Variants in CMKLR1 observed in about 807,000 individuals in gnomAD.
CMKLR1 encodes the protein chemerin-like receptor 1.
A neutral mutation model predicts 8.2 loss-of-function variants in CMKLR1; 6 were observed. The ratio of observed to expected loss-of-function variants is 0.73; its 90% CI spans 0.40 to 1.44. The LOEUF is 1.44. CMKLR1 is among the 40% of genes most tolerant of loss of function. CMKLR1 has a pLI of 0.02. For synonymous variants in CMKLR1, 178 were observed against 181.2 expected, an observed-to-expected ratio of 0.98 and a Z score of 0.14; for missense variants, 429 against 478.0, an observed-to-expected ratio of 0.90 and a Z score of 0.96.
At chr12:108,310,782 T>A (rs557774198) in intron 2 of CMKLR1, among the ~76,000 whole-genome samples, 1 of 152,212 alleles carries the variant, frequency 6.6e-6, no homozygotes, top group East Asian at 1.9e-4. Flanking sequence ...ATGGTTGCCA[T>A]GGTAACACCG....
chr12:108,305,541 C>G (rs1891385468), intron 2 of CMKLR1, among the ~76,000 whole-genome samples: 1 of 152,206 alleles, frequency 6.6e-6, no homozygotes, highest in Admixed American at 6.5e-5. Flanking sequence ...ACCAGATCTC[C>G]TACCCTCCAG....
chr12:108,294,219 A>G (rs949124003), intron 2 of CMKLR1, among the ~76,000 whole-genome samples: 1 of 152,252 alleles, frequency 6.6e-6, no homozygotes, highest in Non-Finnish European at 1.5e-5. Context: ...AGAAAGAAGC[A>G]TCATTCTTGC....
chr12:108,289,391 G>A lies in CMKLR1; in HGVS notation c.*2450C>T, dbSNP rs970570980. 12 of 152,326 alleles carry A rather than the reference G, an allele frequency of 7.9e-5. No homozygotes were observed. In the East Asian group the frequency reaches 2.1e-3, roughly 27 times the overall value. 9.4% of individuals were successfully genotyped at this position (152,326 alleles called of 1,614,324 possible). Reference sequence around the variant, plus strand: ...TATGGGATGTTAAGGCTGCATTTAAGTACTTGACAGGAACCTAAGTCAGAA... The same window carrying A: ...TATGGGATGTTAAGGCTGCATTTAAATACTTGACAGGAACCTAAGTCAGAA... On this transcript the variant is annotated 3_prime_UTR_variant, in exon 4 of 4. Transcript: ENST00000550402.
chr12:108,304,590 A>C (rs1314189357), intron 2 of CMKLR1, among the ~76,000 whole-genome samples: 4 of 150,664 alleles, frequency 2.7e-5, no homozygotes, highest in Non-Finnish European at 5.9e-5. Flanking sequence ...TCTCTCCCCC[A>C]GTCTCTGTGT....
intron 1 of CMKLR1, among the ~76,000 whole-genome samples, chr12:108,334,899 C>T (rs908607257): frequency 6.6e-6 from 1 of 152,152 alleles, no homozygotes; most frequent in African/African-American, 2.4e-5. Flanking sequence ...TAACCCGCAG[C>T]ATGTTCTATC....
intron 2 of CMKLR1, among the ~76,000 whole-genome samples, chr12:108,316,397 G>C (rs567001533): frequency 6.6e-6 from 1 of 152,320 alleles, no homozygotes; most frequent in African/African-American, 2.4e-5. Context: ...CAGAAAGAGA[G>C]GGGGAAGAGG....
At chr12:108,317,765 T>A (rs4964675) in intron 2 of CMKLR1, 118,402 of 152,202 alleles carry the variant, frequency 0.78, 46,552 homozygotes, top group East Asian at 1. Context: ...TCACAACTCC[T>A]TCTAACTGGT....
chr12:108,298,339 C>T (rs563427500), intron 2 of CMKLR1, among the ~76,000 whole-genome samples: 1 of 152,280 alleles, frequency 6.6e-6, no homozygotes, highest in Admixed American at 6.5e-5. Context: ...TCTCCAACAA[C>T]CTCCAGGAGT....
intron 2 of CMKLR1, among the ~76,000 whole-genome samples, chr12:108,304,411 C>T (rs192533841): frequency 6.6e-6 from 1 of 152,280 alleles, no homozygotes; most frequent in African/African-American, 2.4e-5. Context: ...CAGATATTTA[C>T]CTTCTGCTTC....
At chr12:108,305,159 G>A (rs1391613215) in intron 2 of CMKLR1, among the ~76,000 whole-genome samples, 1 of 152,214 alleles carries the variant, frequency 6.6e-6, no homozygotes, top group African/African-American at 2.4e-5. Flanking sequence ...TCATAGAAAA[G>A]AGGGACTTGG....
chr12:108,310,723 G>A (rs1891535948), intron 2 of CMKLR1, among the ~76,000 whole-genome samples: 2 of 152,130 alleles, frequency 1.3e-5, no homozygotes, highest in Non-Finnish European at 2.9e-5. Flanking sequence ...TCCAGTCCTG[G>A]GGGCTGGGAG....
At chr12:108,308,122 A>G (rs1891454892) in intron 2 of CMKLR1, among the ~76,000 whole-genome samples, 1 of 152,092 alleles carries the variant, frequency 6.6e-6, no homozygotes, top group Non-Finnish European at 1.5e-5. Flanking sequence ...ATCTGGAAGT[A>G]GGTTTCACTT....
intron 1 of CMKLR1, 77 bp downstream of exon 1, chr12:108,338,950 A>G (rs1349781866): frequency 1.3e-5 from 2 of 152,158 alleles, no homozygotes; most frequent in Non-Finnish European, 2.9e-5. Flanking sequence ...AAAGAAACAA[A>G]CTTTTCTCTC....
At chr12:108,324,253 A>AG (rs1891931383) in intron 2 of CMKLR1, among the ~76,000 whole-genome samples, 2 of 152,162 alleles carry the variant, frequency 1.3e-5, no homozygotes, top group South Asian at 4.1e-4. Flanking sequence ...ACACAGATGT[A>AG]GGGGGGCAGA....
rs961069023 is a variant in CMKLR1, at chr12:108,288,961, C to CA, written c.*2879_*2880insT. On this transcript the variant is annotated 3_prime_UTR_variant, in exon 4 of 4. Transcript: ENST00000550402. Reference sequence around the variant, plus strand: ...CAGAAACTCACTTTCTGCACCCCCCCCCCACCTTGCTATGATGGTCCCCTT... The same window carrying CA: ...CAGAAACTCACTTTCTGCACCCCCCCACCCACCTTGCTATGATGGTCCCCTT... The CA allele has an allele frequency of 6.6e-5, 10 of 152,122 alleles. No homozygotes were observed. The East Asian group carries it at 1.4e-3, about 21-fold the overall frequency. 9.4% of individuals were successfully genotyped at this position (152,122 alleles called of 1,614,324 possible). A position where few individuals can be genotyped will look rare whatever the true frequency, so the allele number is the denominator to read the frequency against.
Position 108,291,877 on chromosome 12 carries a change from C to A in CMKLR1, c.1086G>T (p.Arg362Ser). 2 of 1,613,954 alleles carry A rather than the reference C, an allele frequency of 1.2e-6. No individual in the cohort carries two copies. The highest frequency in any genetic ancestry group is 1.7e-6 in the Non-Finnish European group (2 of 1,179,934). ...CGGTCTCCCTCTCATTCATAGAAGTCCTCTCATTCATTGATGACATCTTGG... is the reference window on the plus strand; with the variant it reads ...CGGTCTCCCTCTCATTCATAGAAGTACTCTCATTCATTGATGACATCTTGG... ...SFTKMSSMNE[R>S]TSMNERETGM... Residue 362 changes from arginine to serine, a missense_variant, in exon 4 of 4, where the codon AGG becomes AGT. Arg to Ser is a moderately radical substitution (Grantham distance 110). Transcript: ENST00000550402.
At chr12:108,301,066 CAA>C (rs1265770951) in intron 2 of CMKLR1, among the ~76,000 whole-genome samples, 6 of 146,592 alleles carry the variant, frequency 4.1e-5, no homozygotes, top group African/African-American at 1.5e-4. Context: ...AGCATCCACC[CAA>C]GTCTTTTTTT....
intron 2 of CMKLR1, among the ~76,000 whole-genome samples, chr12:108,301,416 T>G (rs1307412170): frequency 6.6e-6 from 1 of 152,086 alleles, no homozygotes; most frequent in African/African-American, 2.4e-5. Context: ...GTTCTGATTC[T>G]CACTCTGTCT....
At chr12:108,311,488 G>A (rs1324792020) in intron 2 of CMKLR1, among the ~76,000 whole-genome samples, 2 of 152,140 alleles carry the variant, frequency 1.3e-5, no homozygotes, top group Admixed American at 1.3e-4. Flanking sequence ...AGCCAAGTGT[G>A]GTGACACACA....
Sources: gnomAD v4.1 joint callset for allele counts (sites outside exome capture counted in the v4.1 genomes callset) on GRCh38, gnomAD v4.1.1 for gene constraint, MANE v1.5 for transcripts, NCBI Gene and HGNC (gene_info 2026-07-23, HGNC 2026-07-21) for gene names.